TCF7L2: variants seen among roughly 807,000 people sequenced by gnomAD.
The protein encoded by TCF7L2 is transcription factor 7-like 2.
TCF7L2 carries 23 observed loss-of-function variants against 77.9 expected under a neutral mutation model. That is an observed-to-expected ratio of 0.30 (90% confidence interval 0.21 to 0.42). The LOEUF is 0.42. TCF7L2 is among the 10% of genes least tolerant of loss of function. The probability of loss-of-function intolerance (pLI) is 1.00; values close to 1 mark genes in which losing one functional copy is unlikely to be tolerated. For synonymous variants in TCF7L2, 413 were observed against 340.2 expected, an observed-to-expected ratio of 1.21 and a Z score of -2.36; for missense variants, 654 against 793.1, an observed-to-expected ratio of 0.82 and a Z score of 2.11.
chr10:113,162,961 T>C (rs2073415191), intron 13 of TCF7L2, among the ~76,000 whole-genome samples: 1 of 150,504 alleles, frequency 6.6e-6, no homozygotes, highest in African/African-American at 2.5e-5. Context: ...TTAACGTGGC[T>C]ATGGCCACCC....
rs1564994590 is a variant in TCF7L2, at chr10:113,165,641, C to T, written c.1478C>T (p.Pro493Leu). ...TCAGATGGAAGCTTACTAGATTCGC[C>T]TCCCCCCTCCCCGAACCTGCTAGGC... The change falls in exon 14 of 14, where the codon CCT becomes CTT. Residue 493 changes from proline (P) to leucine (L), a missense_variant. Physicochemically the swap from Pro to Leu is moderately conservative, Grantham distance 98. Around this residue, in one of 6 missense-constraint regions of TCF7L2, gnomAD observed 272 missense variants for 215.4 expected, o/e 1.26. Transcript: ENST00000627217. 1 of 1,612,782 alleles carries T rather than the reference C, an allele frequency of 6.2e-7. No individual in the cohort carries two copies. Among genetic ancestry groups the T allele is most frequent in the Admixed American group, 1.7e-5 (1 of 59,826 alleles).
At chr10:113,130,038 TG>T (rs1478556696) in intron 5 of TCF7L2, 9 of 1,179,840 alleles carry the variant, frequency 7.6e-6, no homozygotes, top group Admixed American at 3.6e-5. Context: ...TGTATGTTCG[TG>T]TCCATGCTTA....
intron 5 of TCF7L2, among the ~76,000 whole-genome samples, chr10:113,081,435 AC>A (rs1054111663): frequency 6.6e-6 from 1 of 152,088 alleles, no homozygotes; most frequent in Non-Finnish European, 1.5e-5. Flanking sequence ...TGCTGCTTGA[AC>A]CCGAGCTTCT....
intron 4 of TCF7L2, among the ~76,000 whole-genome samples, chr10:113,013,839 A>G (rs998457112): frequency 3.9e-5 from 6 of 152,314 alleles, no homozygotes; most frequent in African/African-American, 1.2e-4. Context: ...ATTGGTATTT[A>G]TAGGGAACCA....
In TCF7L2 at chr10:113,015,192, G is replaced by T. The variant is rs12412572; in HGVS notation, c.451-24833G>T. 3.4e-3 allele frequency among the ~76,000 whole-genome samples: 516 copies of T among 152,332 alleles called. 5 individuals are homozygous for T. Among genetic ancestry groups the T allele is most frequent in the Admixed American group, 0.023 (353 of 15,300 alleles). On this transcript the variant is annotated intron_variant, in intron 4 of 13. Coordinates refer to ENST00000627217, the MANE Select transcript of TCF7L2 (RefSeq NM_001146274.2). ...CAGAACAAGATTCCGTTTCAAGAAA[G>T]CAGAAACTCTGAAATTTTTGCCTGT...
chr10:112,961,496 A>AT (rs1466169238), intron 3 of TCF7L2, among the ~76,000 whole-genome samples: 1 of 152,084 alleles, frequency 6.6e-6, no homozygotes, highest in Non-Finnish European at 1.5e-5. Flanking sequence ...GGGTGTTTGT[A>AT]TTTTTTATCT....
rs993332536 is a variant in TCF7L2, at chr10:113,123,214, G to A, written c.553-17970G>A. Reference sequence around the variant, plus strand: ...ATTTGATACTAGTGCTGATGCGGTCGTGCTGGGGAAGCCGAGAGAGAGGCA... The same window carrying A: ...ATTTGATACTAGTGCTGATGCGGTCATGCTGGGGAAGCCGAGAGAGAGGCA... On this transcript the variant is annotated intron_variant, in intron 5 of 13. Transcript: ENST00000627217. Among the ~76,000 whole-genome samples, 8 of 152,330 alleles carry A rather than the reference G, an allele frequency of 5.3e-5. No individual in the cohort carries two copies. In the South Asian group the frequency reaches 1.2e-3, roughly 24 times the overall value.
chr10:113,040,159 T>C, intron 5 of TCF7L2, 33 bp downstream of exon 5: 1 of 1,586,918 alleles, frequency 6.3e-7, no homozygotes, highest in Non-Finnish European at 8.6e-7. Flanking sequence ...TGGCTTCCTT[T>C]ATTGAGGGGG....
At chr10:113,053,056 TG>T (rs2054742331) in intron 5 of TCF7L2, among the ~76,000 whole-genome samples, 1 of 152,170 alleles carries the variant, frequency 6.6e-6, no homozygotes, top group Non-Finnish European at 1.5e-5. Flanking sequence ...AAGCCTGGCG[TG>T]GGACACAGGC....
chr10:113,130,010 T>C (rs1172231356), intron 5 of TCF7L2: 1 of 1,253,304 alleles, frequency 8.0e-7, no homozygotes, highest in Non-Finnish European at 1.0e-6. Flanking sequence ...GTGTGTGGTG[T>C]GTGTATGGGG....
chr10:113,040,153 T>C lies in TCF7L2; in HGVS notation c.552+27T>C, dbSNP rs370143964. On this transcript the variant is annotated intron_variant, in intron 5 of 13. Transcript: ENST00000627217. ...TAAGTAACCTCCCAGAGATGATGGC[T>C]TCCTTTATTGAGGGGGTGAAAAAGA... 3.8e-6 allele frequency: 6 copies of C among 1,597,840 alleles called. No individual in the cohort carries two copies. The Admixed American group carries it at 1.0e-4, about 27-fold the overall frequency.
At chr10:113,064,246 C>T (rs1390834490) in intron 5 of TCF7L2, among the ~76,000 whole-genome samples, 1 of 152,198 alleles carries the variant, frequency 6.6e-6, no homozygotes, top group Non-Finnish European at 1.5e-5. Context: ...GGAACTGCCT[C>T]CTCTGGGAGA....
In TCF7L2 at chr10:113,146,095, C is replaced by A. The variant is rs779024537; in HGVS notation, c.873C>A (p.Ser291=). 23 of 1,613,732 alleles carry A rather than the reference C, an allele frequency of 1.4e-5. No individual in the cohort carries two copies. The Admixed American group carries it at 1.8e-4, about 13-fold the overall frequency. The change falls in exon 8 of 14, where the codon TCC becomes TCA. Residue 291 remains serine (S), a splice_region_variant and synonymous_variant. Transcript: ENST00000627217. ...CTCTGACCGTCAATGCTTCCATGTC[C>A]AGGTGAGTTCCAAGAACCGGGGCCT...
At chr10:112,972,690 C>CT (rs1326160309) in intron 4 of TCF7L2, among the ~76,000 whole-genome samples, 5 of 152,174 alleles carry the variant, frequency 3.3e-5, no homozygotes, top group African/African-American at 1.2e-4. Context: ...AGGCTGGTCT[C>CT]TAACTCCTGA....
intron 8 of TCF7L2, among the ~76,000 whole-genome samples, chr10:113,150,513 G>A (rs2070524641): frequency 6.6e-6 from 1 of 152,180 alleles, no homozygotes; most frequent in South Asian, 2.1e-4. Context: ...ACAGGATGAG[G>A]CCTAATGAGG....
intron 4 of TCF7L2, among the ~76,000 whole-genome samples, chr10:113,018,177 C>T (rs989914260): frequency 6.6e-5 from 10 of 152,152 alleles, no homozygotes; most frequent in African/African-American, 1.2e-4. Flanking sequence ...ACATGAGCTG[C>T]GTAAAGCGTT....
At chr10:112,964,094 G>A (rs147679854) in intron 3 of TCF7L2, among the ~76,000 whole-genome samples, 1 of 152,172 alleles carries the variant, frequency 6.6e-6, no homozygotes, top group Non-Finnish European at 1.5e-5. Flanking sequence ...TTAGAAATAT[G>A]GGGATGGGGT....
At chr10:113,023,591 C>G (rs2133914631) in intron 4 of TCF7L2, among the ~76,000 whole-genome samples, 1 of 152,360 alleles carries the variant, frequency 6.6e-6, no homozygotes, top group South Asian at 2.1e-4. Context: ...CCTGCCTCAG[C>G]CTCCCCAGTA....
Position 113,166,430 on chromosome 10 carries a change from A to G in TCF7L2, c.*458A>G, listed in dbSNP as rs1478742720. The stretch of plus-strand genomic sequence containing the variant: ...CATCTGGTTTTTAAACCGTAAGGGC[A>G]CCATGAATGCAGTGCCGTTACTTTT... On this transcript the variant is annotated 3_prime_UTR_variant, in exon 14 of 14. Coordinates refer to ENST00000627217, the MANE Select transcript of TCF7L2 (RefSeq NM_001146274.2). 4.5e-6 allele frequency: 1 copy of G among 224,414 alleles called. No individual in the cohort carries two copies. The highest frequency in any genetic ancestry group is 6.4e-5 in the East Asian group (1 of 15,688). 13.9% of individuals were successfully genotyped at this position (224,414 alleles called of 1,614,324 possible).
Sources: allele counts gnomAD v4.1 joint callset (sites outside exome capture counted in the v4.1 genomes callset), GRCh38; gene constraint gnomAD v4.1.1; regional missense constraint gnomAD v4.1.1; transcripts MANE v1.5; gene names NCBI Gene and HGNC (gene_info 2026-07-23, HGNC 2026-07-21).